The following DACH1 variants were observed in gnomAD, a reference collection of about 807,000 sequenced individuals.
DACH1 encodes dachshund homolog 1.
DACH1 carries 12 observed loss-of-function variants against 54.2 expected under a neutral mutation model. The ratio of observed to expected loss-of-function variants is 0.22; its 90% CI spans 0.14 to 0.36. The LOEUF (loss-of-function observed/expected upper bound fraction) is 0.36, where lower values mean the gene tolerates loss of function less well. DACH1 is among the 10% of genes least tolerant of loss of function. The probability of loss-of-function intolerance (pLI) is 1.00; values close to 1 mark genes in which losing one functional copy is unlikely to be tolerated. For synonymous variants in DACH1, 386 were observed against 366.2 expected, an observed-to-expected ratio of 1.05 and a Z score of -0.62; for missense variants, 805 against 929.8, an observed-to-expected ratio of 0.87 and a Z score of 1.75.
chr13:71,522,403 T>C (rs761552296), intron 6 of DACH1, among the ~76,000 whole-genome samples: 8 of 152,022 alleles, frequency 5.3e-5, no homozygotes, highest in Non-Finnish European at 1.0e-4. Flanking sequence ...ACGCCGCACC[T>C]CCCTACCTTG....
At chr13:71,580,668 T>C (rs531196749) in intron 3 of DACH1, among the ~76,000 whole-genome samples, 1 of 152,328 alleles carries the variant, frequency 6.6e-6, no homozygotes, top group Non-Finnish European at 1.5e-5. Context: ...ATTGTCTTGA[T>C]ATTTTATATG....
chr13:71,679,320 C>G (rs1299579448), intron 2 of DACH1, among the ~76,000 whole-genome samples: 2 of 152,262 alleles, frequency 1.3e-5, no homozygotes, highest in African/African-American at 4.8e-5. Flanking sequence ...AGAAACTCCA[C>G]TTACTTACCC....
chr13:71,443,171 T>G (rs1874157555), intron 10 of DACH1, among the ~76,000 whole-genome samples: 1 of 151,370 alleles, frequency 6.6e-6, no homozygotes, highest in Non-Finnish European at 1.5e-5. Context: ...GGCAGGGATG[T>G]CCATGAGATT....
At chr13:71,495,657 T>C (rs982887623) in intron 6 of DACH1, among the ~76,000 whole-genome samples, 1 of 151,850 alleles carries the variant, frequency 6.6e-6, no homozygotes, top group Non-Finnish European at 1.5e-5. Flanking sequence ...AAAGAAAAAA[T>C]TACAGATATT....
intron 1 of DACH1, among the ~76,000 whole-genome samples, chr13:71,726,598 C>A (rs974859972): frequency 3.3e-5 from 5 of 151,898 alleles, no homozygotes; most frequent in Non-Finnish European, 5.9e-5. Flanking sequence ...AAAGAGGTAA[C>A]TATTCCACAG....
chr13:71,483,690 T>A (rs964822411), intron 7 of DACH1, among the ~76,000 whole-genome samples: 1 of 151,728 alleles, frequency 6.6e-6, no homozygotes, highest in Non-Finnish European at 1.5e-5. Flanking sequence ...ATAATCAGAG[T>A]ACAGTCATTC....
At chr13:71,862,762 CT>C (rs1025566450) in intron 1 of DACH1, among the ~76,000 whole-genome samples, 1 of 152,012 alleles carries the variant, frequency 6.6e-6, no homozygotes, top group African/African-American at 2.4e-5. Context: ...ATGAACCTTA[CT>C]TTTCTGTAAC....
At chr13:71,642,426 C>T (rs1357152550) in intron 2 of DACH1, among the ~76,000 whole-genome samples, 2 of 152,200 alleles carry the variant, frequency 1.3e-5, no homozygotes, top group African/African-American at 4.8e-5. Flanking sequence ...TACAAGTAAA[C>T]ATCAATTCTG....
chr13:71,787,436 C>T (rs1416062465), intron 1 of DACH1, among the ~76,000 whole-genome samples: 2 of 152,130 alleles, frequency 1.3e-5, no homozygotes, highest in Non-Finnish European at 2.9e-5. Context: ...CATATTCCTT[C>T]TCTTCCCTTC....
At chr13:71,686,655 A>T (rs987074774) in intron 1 of DACH1, among the ~76,000 whole-genome samples, 1 of 152,164 alleles carries the variant, frequency 6.6e-6, no homozygotes, top group East Asian at 1.9e-4. Flanking sequence ...TCTTTTGTTA[A>T]TCTCTTCAGT....
chr13:71,473,851 G>A (rs1877291196), intron 10 of DACH1, among the ~76,000 whole-genome samples: 1 of 152,090 alleles, frequency 6.6e-6, no homozygotes, highest in Non-Finnish European at 1.5e-5. Context: ...ATTTGCATTT[G>A]TCTTGTTGGT....
intron 6 of DACH1, among the ~76,000 whole-genome samples, chr13:71,544,173 G>C (rs189719245): frequency 7.2e-5 from 11 of 152,226 alleles, no homozygotes; most frequent in African/African-American, 2.4e-4. Context: ...GGTGTAGAAA[G>C]AACTATATCT....
At chr13:71,798,407 TGAA>T (rs1237395094) in intron 1 of DACH1, among the ~76,000 whole-genome samples, 1 of 147,464 alleles carries the variant, frequency 6.8e-6, no homozygotes, top group Non-Finnish European at 1.5e-5. Flanking sequence ...TGCAAACATA[TGAA>T]GAAGTACTTA....
chr13:71,722,384 C>A (rs1001533847), intron 1 of DACH1, among the ~76,000 whole-genome samples: 2 of 152,138 alleles, frequency 1.3e-5, no homozygotes, highest in African/African-American at 4.8e-5. Context: ...TGGAATATAA[C>A]AAGTCCTTCC....
chr13:71,504,117 A>G (rs1880131296), intron 6 of DACH1, among the ~76,000 whole-genome samples: 2 of 152,140 alleles, frequency 1.3e-5, no homozygotes, highest in South Asian at 4.1e-4. Flanking sequence ...TCTTTGTAGC[A>G]CAGAAAAGAG....
chr13:71,548,371 A>G (rs962317718), intron 6 of DACH1, among the ~76,000 whole-genome samples: 1 of 152,176 alleles, frequency 6.6e-6, no homozygotes, highest in African/African-American at 2.4e-5. Flanking sequence ...GAGTAATCTG[A>G]TATCTGTGGA....
In DACH1 at chr13:71,438,179, T is replaced by G. The variant is rs1301251143; in HGVS notation, c.*2476A>C. On this transcript the variant is annotated 3_prime_UTR_variant, in exon 11 of 11. Transcript: ENST00000613252. ...AACCTTTTATCATTTTTAGAAAACT[T>G]TAAATATATAGATAAAAATAGACAA... 1 of 152,346 alleles carries G rather than the reference T, an allele frequency of 6.6e-6. No homozygotes were observed. The highest frequency in any genetic ancestry group is 1.5e-5 in the Non-Finnish European group (1 of 67,848). The allele number at this position is 152,346 out of a possible 1,614,324, so 9.4% of individuals were successfully genotyped here. A position where few individuals can be genotyped will look rare whatever the true frequency, so the allele number is the denominator to read the frequency against.
intron 6 of DACH1, among the ~76,000 whole-genome samples, chr13:71,552,839 A>G (rs1170332590): frequency 1.9e-5 from 1 of 51,794 alleles, no homozygotes; most frequent in Non-Finnish European, 3.4e-5. Context: ...ATATATATAT[A>G]TATAGAGAGA....
intron 1 of DACH1, among the ~76,000 whole-genome samples, chr13:71,736,869 C>T (rs1452495700): frequency 6.6e-6 from 1 of 152,184 alleles, no homozygotes; most frequent in Non-Finnish European, 1.5e-5. Context: ...GAATCAGACA[C>T]AGATCCTGTC....
Sources: allele counts gnomAD v4.1 joint callset (sites outside exome capture counted in the v4.1 genomes callset), GRCh38; gene constraint gnomAD v4.1.1; transcripts MANE v1.5; gene names NCBI Gene and HGNC (gene_info 2026-07-23, HGNC 2026-07-21).